CHD1: variants seen among roughly 807,000 people sequenced by gnomAD.
The protein encoded by CHD1 is chromodomain helicase DNA binding protein 1, also known as ATP-dependent chromatin remodeler CHD1.
Under a neutral mutation model 224.2 loss-of-function variants are expected in CHD1, and 36 were observed. The ratio of observed to expected loss-of-function variants is 0.16; its 90% confidence interval spans 0.12 to 0.21. The LOEUF (loss-of-function observed/expected upper bound fraction) is 0.21, where lower values mean the gene tolerates loss of function less well. CHD1 is among the 10% of genes least tolerant of loss of function. The pLI, the probability that CHD1 is intolerant of heterozygous loss-of-function variation, is 1.00. For missense variants in CHD1, 1,378 were observed against 1,994.8 expected (o/e 0.69, Z 5.89); for synonymous variants, 668 against 658.3 (o/e 1.01, Z -0.23).
At chr5:98,904,459 C>A (rs1167005586) in intron 3 of CHD1, among the ~76,000 whole-genome samples, 6 of 152,190 alleles carry the variant, frequency 3.9e-5, no homozygotes, top group Non-Finnish European at 5.9e-5. Flanking sequence ...TAGCCCCTTA[C>A]CCTATTCCAT....
chr5:98,879,117 C>T (rs772250227), intron 23 of CHD1, among the ~76,000 whole-genome samples: 8 of 152,050 alleles, frequency 5.3e-5, no homozygotes, highest in Non-Finnish European at 7.4e-5. Context: ...ACCTGTAGTC[C>T]CAGCTATTTG....
chr5:98,873,483 C>G (rs1749518426), intron 26 of CHD1, 110 bp downstream of exon 26: 1 of 827,964 alleles, frequency 1.2e-6, no homozygotes, highest in East Asian at 3.4e-5. Flanking sequence ...TTATAAATAA[C>G]CTTTTGAGAC....
intron 34 of CHD1, 128 bp from the exon 35 acceptor site, chr5:98,858,518 T>TA: frequency 3.0e-6 from 2 of 677,400 alleles, no homozygotes; most frequent in Non-Finnish European, 5.1e-6. Flanking sequence ...TACAAGCAGT[T>TA]AAAGCATTTA....
At chr5:98,920,897 G>A in intron 2 of CHD1, among the ~76,000 whole-genome samples, 1 of 151,912 alleles carries the variant, frequency 6.6e-6, no homozygotes, top group East Asian at 1.9e-4. Context: ...ACTAAGGAAA[G>A]ACTTAGAAAC....
intron 11 of CHD1, 89 bp downstream of exon 11, chr5:98,897,104 T>C (rs1751393504): frequency 2.3e-6 from 3 of 1,287,862 alleles, no homozygotes; most frequent in South Asian, 1.3e-5. Flanking sequence ...AAGAGTCTTA[T>C]TCTTTATGTA....
intron 2 of CHD1, among the ~76,000 whole-genome samples, chr5:98,918,865 G>A (rs746718423): frequency 6.6e-6 from 1 of 150,990 alleles, no homozygotes; most frequent in Non-Finnish European, 1.5e-5. Context: ...AATTACAAAA[G>A]TTAAAGCATG....
chr5:98,916,562 A>C (rs889814736), intron 2 of CHD1, among the ~76,000 whole-genome samples: 4 of 151,588 alleles, frequency 2.6e-5, no homozygotes, highest in Non-Finnish European at 5.9e-5. Context: ...AAAAAAAAAA[A>C]AAAAAAAAGG....
At chr5:98,868,733 T>C (rs1472606174) in intron 30 of CHD1, 98 bp from the exon 31 acceptor site, 7 of 1,167,332 alleles carry the variant, frequency 6.0e-6, no homozygotes, top group Non-Finnish European at 7.1e-6. Flanking sequence ...CTCATTTTAT[T>C]CTACAAGTGC....
At chr5:98,893,305 G>T in intron 14 of CHD1, 111 bp downstream of exon 14, 1 of 624,156 alleles carries the variant, frequency 1.6e-6, no homozygotes, top group Non-Finnish European at 2.6e-6. Flanking sequence ...TTAGTAATCT[G>T]TGATCTAATC....
Position 98,856,380 on chromosome 5 carries a change from T to C in CHD1, c.5133A>G (p.Ter1711=), listed in dbSNP as rs1748023989. The part of the protein sequence containing the change: ...PEHTWSSRKT[*] ...CAGAAAGACGAAGTATCAGTTTTTG[T>C]TATGTTTTCCGACTACTCCAGGTAT... is the stretch of plus-strand genomic sequence containing the variant. The change falls in exon 36 of 36, where the codon TAA becomes TAG. Residue 1711 remains the stop codon, a stop_retained_variant. Coordinates refer to ENST00000614616, the MANE Select transcript of CHD1 (RefSeq NM_001270.4). 6.2e-7 allele frequency: 1 copy of C among 1,603,830 alleles called. No homozygotes were observed. Among genetic ancestry groups the C allele is most frequent in the African/African-American group, 1.3e-5 (1 of 74,632 alleles).
At chr5:98,863,873 A>G (rs1026333551) in intron 31 of CHD1, among the ~76,000 whole-genome samples, 6 of 152,178 alleles carry the variant, frequency 3.9e-5, no homozygotes, top group African/African-American at 1.2e-4. Context: ...TTTATATTGT[A>G]GCACACTATT....
chr5:98,911,491 G>A (rs1752419701), intron 2 of CHD1, among the ~76,000 whole-genome samples: 1 of 152,094 alleles, frequency 6.6e-6, no homozygotes. Flanking sequence ...AGTTTGCTGA[G>A]TAGGATAATT....
Position 98,917,299 on chromosome 5 carries a change from C to CCAAAAAAAAAAAAAA in CHD1, c.53+9034_53+9035insTTTTTTTTTTTTTTG, listed in dbSNP as rs775841258. 9.0e-4 allele frequency among the ~76,000 whole-genome samples: 108 copies of CCAAAAAAAAAAAAAA among 119,824 alleles called. 2 individuals are homozygous for CCAAAAAAAAAAAAAA. Among genetic ancestry groups the CCAAAAAAAAAAAAAA allele is most frequent in the African/African-American group, 4.0e-3 (101 of 25,306 alleles). 78.6% of individuals were successfully genotyped at this position (119,824 alleles called of 152,430 possible). A position where few individuals can be genotyped will look rare whatever the true frequency, so the allele number is the denominator to read the frequency against. ...GCCCATCCCTCCAAAAACAAAGAAA[C>CCAAAAAAAAAAAAAA]AAAAAAAAAAAACAACCTCTTAATT... is the stretch of plus-strand genomic sequence containing the variant. On this transcript the variant is annotated intron_variant, in intron 2 of 35. Transcript: ENST00000614616.
chr5:98,879,707 C>T lies in CHD1; in HGVS notation c.3082G>A (p.Asp1028Asn). The T allele has an allele frequency of 6.3e-7, 1 of 1,598,170 alleles. No homozygotes were observed. The highest frequency in any genetic ancestry group is 1.1e-5 in the South Asian group (1 of 87,110). Residue 1028 changes from aspartate (D) to asparagine (N), a missense_variant, in exon 23 of 36, where the codon GAT (aspartate) becomes AAT (asparagine). Physicochemically the swap from Asp to Asn is conservative, Grantham distance 23. This residue lies in a region of CHD1 where 286 missense variants were observed against 445.1 expected (regional missense o/e 0.64). Transcript: ENST00000614616. The stretch of plus-strand genomic sequence containing the variant: ...GGTTCCAACTCAATGTCATCCTCAT[C>T]CATATTTGAGAAGTTGGCAACCTGA... The part of the protein sequence containing the change: ...QFKVANFSNM[D>N]EDDIELEPER...
chr5:98,922,401 A>C (rs911189421), intron 2 of CHD1, among the ~76,000 whole-genome samples: 3 of 152,220 alleles, frequency 2.0e-5, no homozygotes, highest in African/African-American at 7.2e-5. Context: ...ATAGCAAAAG[A>C]GACATATTTT....
At position 98,881,347 on chromosome 5, in the gene CHD1, A is replaced by C. The variant is rs199740650; in HGVS notation, c.2896T>G (p.Ser966Ala). ...TCAGCACCAAACTTTAAAATGGCTG[A>C]TAACTCTTCTTTATTGAAAGGAGTA... is the stretch of plus-strand genomic sequence containing the variant. ...SSTPFNKEEL[S>A]AILKFGAEEL... Residue 966 changes from serine to alanine, a missense_variant, in exon 21 of 36, where the codon TCA (serine) becomes GCA (alanine). Physicochemically the swap from Ser to Ala is moderately conservative, Grantham distance 99. Transcript: ENST00000614616. 135 of 1,557,624 alleles carry C rather than the reference A, an allele frequency of 8.7e-5. No individual in the cohort carries two copies. The highest frequency in any genetic ancestry group is 1.1e-4 in the Non-Finnish European group (132 of 1,153,400).
At chr5:98,924,747 A>G (rs1473858594) in intron 2 of CHD1, among the ~76,000 whole-genome samples, 1 of 152,164 alleles carries the variant, frequency 6.6e-6, no homozygotes, top group African/African-American at 2.4e-5. Context: ...AGCTCGAGGC[A>G]GGTGGATCAC....
intron 2 of CHD1, among the ~76,000 whole-genome samples, chr5:98,906,937 C>T (rs1009105025): frequency 5.3e-5 from 8 of 151,966 alleles, no homozygotes; most frequent in South Asian, 2.1e-4. Flanking sequence ...AATTTTTTTC[C>T]AGAATACCTA....
intron 2 of CHD1, among the ~76,000 whole-genome samples, chr5:98,915,932 C>G (rs750912479): frequency 6.6e-6 from 1 of 152,200 alleles, no homozygotes; most frequent in Non-Finnish European, 1.5e-5. Flanking sequence ...GTGGCTCACA[C>G]CCAAAATCCC....
Sources: allele counts gnomAD v4.1 joint callset (sites outside exome capture counted in the v4.1 genomes callset), GRCh38; gene constraint gnomAD v4.1.1; regional missense constraint gnomAD v4.1.1; transcripts MANE v1.5; gene names NCBI Gene and HGNC (gene_info 2026-07-23, HGNC 2026-07-21).